Variants in PDZRN3 observed in about 807,000 individuals in gnomAD.
PDZRN3 encodes the protein E3 ubiquitin-protein ligase PDZRN3.
A neutral mutation model predicts 85.7 loss-of-function variants in PDZRN3; 38 were observed. The ratio of observed to expected loss-of-function variants is 0.44; its 90% CI spans 0.34 to 0.58. The LOEUF is 0.58. PDZRN3 is among the 20% of genes least tolerant of loss of function. The pLI is 0.01. For synonymous variants in PDZRN3, 759 were observed against 638.0 expected (o/e 1.19, Z -2.86); for missense variants, 1,629 against 1,506.4 (o/e 1.08, Z -1.35).
At chr3:73,417,932 A>G (rs887828469) in intron 3 of PDZRN3, among the ~76,000 whole-genome samples, 1 of 152,252 alleles carries the variant, frequency 6.6e-6, no homozygotes, top group African/African-American at 2.4e-5. Context: ...AGGAATAACT[A>G]ACAGTGGAGA....
intron 5 of PDZRN3, among the ~76,000 whole-genome samples, chr3:73,398,898 G>A (rs1465616647): frequency 2.0e-5 from 3 of 152,264 alleles, no homozygotes; most frequent in Non-Finnish European, 2.9e-5. Context: ...TAAAATTACC[G>A]TAGTTTAAAT....
intron 1 of PDZRN3, among the ~76,000 whole-genome samples, chr3:73,615,314 C>G (rs949833943): frequency 1.3e-5 from 2 of 152,174 alleles, no homozygotes; most frequent in African/African-American, 4.8e-5. Context: ...ATTTTTGTCA[C>G]TGACTCATCT....
intron 3 of PDZRN3, among the ~76,000 whole-genome samples, chr3:73,530,741 T>C (rs1039431540): frequency 1.3e-5 from 2 of 152,222 alleles, no homozygotes. Flanking sequence ...TATTCATTTC[T>C]TATGTACCTC....
intron 3 of PDZRN3, among the ~76,000 whole-genome samples, chr3:73,438,012 T>G (rs1182074369): frequency 6.6e-6 from 1 of 152,168 alleles, no homozygotes; most frequent in Non-Finnish European, 1.5e-5. Context: ...AAGGCACACA[T>G]TGTTTGATGA....
intron 3 of PDZRN3, among the ~76,000 whole-genome samples, chr3:73,588,746 C>T (rs1028717213): frequency 6.6e-6 from 1 of 152,192 alleles, no homozygotes; most frequent in African/African-American, 2.4e-5. Flanking sequence ...CACACAGTTT[C>T]TTTTTAAAAT....
chr3:73,565,468 A>G (rs951943567), intron 3 of PDZRN3, among the ~76,000 whole-genome samples: 1 of 152,108 alleles, frequency 6.6e-6, no homozygotes, highest in Non-Finnish European at 1.5e-5. Context: ...AAGTCACTTA[A>G]TCTCTTTAGG....
At chr3:73,544,558 G>A (rs1347371514) in intron 3 of PDZRN3, among the ~76,000 whole-genome samples, 1 of 151,964 alleles carries the variant, frequency 6.6e-6, no homozygotes, top group Non-Finnish European at 1.5e-5. Context: ...CACTTCATAT[G>A]CTTTTTTCTT....
intron 3 of PDZRN3, among the ~76,000 whole-genome samples, chr3:73,522,007 A>T (rs1427091706): frequency 6.6e-6 from 1 of 152,226 alleles, no homozygotes; most frequent in Non-Finnish European, 1.5e-5. Context: ...TAAGCTTTTC[A>T]GTGGTTGAAA....
chr3:73,454,476 G>A (rs1702939136), intron 3 of PDZRN3, among the ~76,000 whole-genome samples: 1 of 152,164 alleles, frequency 6.6e-6, no homozygotes, highest in Non-Finnish European at 1.5e-5. Flanking sequence ...GCTGATTTGA[G>A]TCGTCCAAGA....
At chr3:73,433,531 A>G in intron 3 of PDZRN3, 1 of 714,832 alleles carries the variant, frequency 1.4e-6, no homozygotes, top group South Asian at 2.0e-5. Flanking sequence ...TTCAGAACAC[A>G]AAATATGCAC....
rs146132039 is a variant in PDZRN3, at chr3:73,404,176, C to A, written c.1138G>T (p.Val380Leu). 4 of 1,613,738 alleles carry A rather than the reference C, an allele frequency of 2.5e-6. No individual in the cohort carries two copies. The highest frequency in any genetic ancestry group is 3.4e-6 in the Non-Finnish European group (4 of 1,179,848). ...LTKMSSPSPP[V>L]LDPYLLPEEH... ...TCTGGCAAGAGATAGGGATCCAGCA[C>A]GGGTGGGCTGGGAGAGGACATCTTA... The change falls in exon 4 of 10, where the codon GTG (valine) becomes TTG (leucine). Residue 380 changes from valine to leucine, a missense_variant. Physicochemically the swap from Val to Leu is conservative, Grantham distance 32 (BLOSUM62 1). Transcript: ENST00000263666.
At chr3:73,614,215 T>G (rs1279658171) in intron 1 of PDZRN3, among the ~76,000 whole-genome samples, 1 of 152,186 alleles carries the variant, frequency 6.6e-6, no homozygotes. Flanking sequence ...AAATCAAAAA[T>G]TGAATGTAAT....
chr3:73,537,783 C>A (rs1307154530), intron 3 of PDZRN3, among the ~76,000 whole-genome samples: 2 of 126,498 alleles, frequency 1.6e-5, no homozygotes, highest in Non-Finnish European at 3.3e-5. Context: ...CCACACCCGG[C>A]TAATTTTTTT....
At chr3:73,575,271 C>T (rs1337505494) in intron 3 of PDZRN3, among the ~76,000 whole-genome samples, 2 of 152,062 alleles carry the variant, frequency 1.3e-5, no homozygotes, top group Admixed American at 1.3e-4. Flanking sequence ...CACGTCGGTG[C>T]CTGGAACCTG....
intron 3 of PDZRN3, among the ~76,000 whole-genome samples, chr3:73,602,078 A>G (rs1702523472): frequency 6.6e-6 from 1 of 152,204 alleles, no homozygotes; most frequent in Non-Finnish European, 1.5e-5. Flanking sequence ...TTTTCGCGCG[A>G]AACTGTAACT....
chr3:73,552,329 A>G (rs1701583023), intron 3 of PDZRN3, among the ~76,000 whole-genome samples: 1 of 151,836 alleles, frequency 6.6e-6, no homozygotes, highest in African/African-American at 2.4e-5. Context: ...CTTCTACCCT[A>G]GTAACTTTCT....
At chr3:73,460,220 A>G (rs187870694) in intron 3 of PDZRN3, among the ~76,000 whole-genome samples, 85 of 152,302 alleles carry the variant, frequency 5.6e-4, no homozygotes, top group African/African-American at 2.0e-3. Flanking sequence ...CAAAAGAAAA[A>G]AGTCTGAGCG....
chr3:73,562,072 C>T (rs1464035736), intron 3 of PDZRN3, among the ~76,000 whole-genome samples: 1 of 152,172 alleles, frequency 6.6e-6, no homozygotes, highest in Non-Finnish European at 1.5e-5. Context: ...ATCTTTTGAT[C>T]TGGTTTGATT....
Position 73,383,587 on chromosome 3 carries a change from C to T in PDZRN3, c.2979G>A (p.Glu993=), listed in dbSNP as rs1186762622. The change falls in exon 10 of 10, where the codon GAG becomes GAA. Residue 993 remains glutamate, a synonymous_variant. Coordinates refer to ENST00000263666, the MANE Select transcript of PDZRN3 (RefSeq NM_015009.3). ...AATCCAACCTGCTCTGCATCATGAA[C>T]TCGCGCCGCCGCCGCTGCTCCTTGG... ...VKAKEQRRRR[E]FMMQSRLDCL... 8 of 1,614,014 alleles carry T rather than the reference C, an allele frequency of 5.0e-6. No individual in the cohort carries two copies. The highest frequency in any genetic ancestry group is 6.8e-6 in the Non-Finnish European group (8 of 1,180,052).
Sources: allele counts gnomAD v4.1 joint callset (sites outside exome capture counted in the v4.1 genomes callset), GRCh38; gene constraint gnomAD v4.1.1; transcripts MANE v1.5; gene names NCBI Gene and HGNC (gene_info 2026-07-23, HGNC 2026-07-21).